Variants in CTNNA3 observed in about 807,000 individuals in gnomAD.
CTNNA3 encodes the protein catenin alpha 3.
Under a neutral mutation model 95.7 loss-of-function variants are expected in CTNNA3, and 76 were observed. The ratio of observed to expected loss-of-function variants is 0.79; its 90% confidence interval spans 0.66 to 0.96. CTNNA3 has a LOEUF of 0.96. Ranked by LOEUF, CTNNA3 falls within the 40% of genes least tolerant of loss-of-function variation. The probability of loss-of-function intolerance (pLI) is 0.00; values close to 1 mark genes in which losing one functional copy is unlikely to be tolerated. For missense variants in CTNNA3, 1,191 were observed against 1,089.8 expected (o/e 1.09, Z -1.31); for synonymous variants, 431 against 374.4 (o/e 1.15, Z -1.74).
intron 13 of CTNNA3, among the ~76,000 whole-genome samples, chr10:66,156,322 T>C (rs1482424824): frequency 6.6e-6 from 1 of 152,008 alleles, no homozygotes; most frequent in East Asian, 1.9e-4. Flanking sequence ...TCTATCAATG[T>C]AAATGTCCTG....
chr10:67,470,272 C>T (rs1472310458), intron 5 of CTNNA3, among the ~76,000 whole-genome samples: 3 of 152,172 alleles, frequency 2.0e-5, no homozygotes, highest in Non-Finnish European at 4.4e-5. Context: ...TTGCAAATGA[C>T]AGGATCTCAT....
chr10:65,932,732 T>A (rs2077273812), intron 17 of CTNNA3, among the ~76,000 whole-genome samples: 1 of 152,174 alleles, frequency 6.6e-6, no homozygotes, highest in Non-Finnish European at 1.5e-5. Flanking sequence ...CTTCTTATTC[T>A]ACCTCTGAAT....
chr10:67,279,551 G>C (rs12415619), intron 5 of CTNNA3, among the ~76,000 whole-genome samples: 5 of 138,712 alleles, frequency 3.6e-5, no homozygotes, highest in Admixed American at 7.1e-5. Context: ...TAGTCAATTA[G>C]GTATTTGTCT....
At chr10:66,363,770 G>A (rs1238554308) in intron 12 of CTNNA3, among the ~76,000 whole-genome samples, 2 of 152,050 alleles carry the variant, frequency 1.3e-5, no homozygotes, top group East Asian at 1.9e-4. Flanking sequence ...TCATTCAGAA[G>A]GTAAATCACA....
At chr10:66,404,712 G>T (rs112498981) in intron 11 of CTNNA3, among the ~76,000 whole-genome samples, 2,385 of 152,068 alleles carry the variant, frequency 0.016, 69 homozygotes, top group African/African-American at 0.054. Context: ...GCCCAGGACA[G>T]CTTTGAATGT....
chr10:66,135,060 C>A (rs2083285216), intron 13 of CTNNA3, among the ~76,000 whole-genome samples: 1 of 151,896 alleles, frequency 6.6e-6, no homozygotes, highest in South Asian at 2.1e-4. Flanking sequence ...AGAAGAGATA[C>A]TGAACTGGAA....
At chr10:66,361,860 G>C (rs1015236864) in intron 12 of CTNNA3, among the ~76,000 whole-genome samples, 5 of 151,526 alleles carry the variant, frequency 3.3e-5, no homozygotes, top group Admixed American at 3.3e-4. Context: ...TTGAGATTAG[G>C]GTAGTCGCTT....
At chr10:66,756,986 G>T (rs573807227) in intron 9 of CTNNA3, among the ~76,000 whole-genome samples, 4 of 152,220 alleles carry the variant, frequency 2.6e-5, no homozygotes, top group South Asian at 4.1e-4. Context: ...AATTGATTCA[G>T]CTCTCTACAT....
chr10:67,618,940 G>T (rs1843742801), intron 2 of CTNNA3, among the ~76,000 whole-genome samples: 1 of 152,050 alleles, frequency 6.6e-6, no homozygotes, highest in African/African-American at 2.4e-5. Context: ...TCCCTTCTTT[G>T]ATATTACCAT....
intron 7 of CTNNA3, among the ~76,000 whole-genome samples, chr10:66,873,430 C>A (rs1245748411): frequency 2.0e-5 from 3 of 151,330 alleles, no homozygotes; most frequent in African/African-American, 4.9e-5. Flanking sequence ...GAGATGGTGT[C>A]TCATTGTGGT....
chr10:66,343,286 G>T (rs1052063524), intron 12 of CTNNA3, among the ~76,000 whole-genome samples: 2 of 152,038 alleles, frequency 1.3e-5, no homozygotes, highest in African/African-American at 2.4e-5. Flanking sequence ...CATGTTTATT[G>T]TGTCATTAAT....
chr10:66,871,827 T>A (rs1197219938), intron 7 of CTNNA3, among the ~76,000 whole-genome samples: 1 of 152,180 alleles, frequency 6.6e-6, no homozygotes, highest in Non-Finnish European at 1.5e-5. Context: ...AAGGATAATT[T>A]TCTTTGACTA....
In CTNNA3 at chr10:67,520,047, T is replaced by A. The variant is rs147861981; in HGVS notation, c.579+1795A>T. On this transcript the variant is annotated intron_variant, in intron 5 of 17. Transcript: ENST00000433211. ...TTCACGCCTTATTAGCTCCATGACC[T>A]TAGGCATGTTACTTAACTTCCTTAA... Among the ~76,000 whole-genome samples, 4 of 152,304 alleles carry A rather than the reference T, an allele frequency of 2.6e-5. No homozygotes were observed. In the East Asian group the frequency reaches 7.7e-4, roughly 29 times the overall value.
At chr10:67,702,618 T>A (rs1243181170) in intron 1 of CTNNA3, among the ~76,000 whole-genome samples, 1 of 152,174 alleles carries the variant, frequency 6.6e-6, no homozygotes, top group Non-Finnish European at 1.5e-5. Flanking sequence ...CTGGGACACA[T>A]TCAAAGCAGT....
intron 9 of CTNNA3, among the ~76,000 whole-genome samples, chr10:66,697,698 AC>A (rs1313482263): frequency 1.3e-5 from 2 of 152,124 alleles, no homozygotes; most frequent in Non-Finnish European, 2.9e-5. Context: ...AACTTATTAC[AC>A]TTTTTTTAAG....
chr10:67,052,192 C>T (rs1403702580), intron 7 of CTNNA3, among the ~76,000 whole-genome samples: 1 of 152,112 alleles, frequency 6.6e-6, no homozygotes, highest in Non-Finnish European at 1.5e-5. Flanking sequence ...TCTGTGGTAC[C>T]AGCCAAAAAG....
At chr10:67,303,468 C>A (rs929740072) in intron 5 of CTNNA3, among the ~76,000 whole-genome samples, 1 of 152,168 alleles carries the variant, frequency 6.6e-6, no homozygotes, top group South Asian at 2.1e-4. Context: ...TCTGAAGGAA[C>A]AAATAGAGGA....
chr10:66,556,885 A>C (rs914135256), intron 10 of CTNNA3, among the ~76,000 whole-genome samples: 1 of 152,062 alleles, frequency 6.6e-6, no homozygotes, highest in Non-Finnish European at 1.5e-5. Context: ...CAGCAGGAAA[A>C]CCAATGGTAA....
Position 67,376,758 on chromosome 10 carries a change from G to A in CTNNA3, c.579+145084C>T, listed in dbSNP as rs1304254595. Among the ~76,000 whole-genome samples, 7 of 152,172 alleles carry A rather than the reference G, an allele frequency of 4.6e-5. No individual in the cohort carries two copies. In the East Asian group the frequency reaches 1.3e-3, roughly 29 times the overall value. ...AAGCTATCAACCAGAGACTAACATC[G>A]TGAAAAATCTTGGAAACCCTCTTAA... On this transcript the variant is annotated intron_variant, in intron 5 of 17. Coordinates refer to ENST00000433211, the MANE Select transcript of CTNNA3 (RefSeq NM_013266.4).
Sources: gnomAD v4.1 joint callset for allele counts (sites outside exome capture counted in the v4.1 genomes callset) on GRCh38, gnomAD v4.1.1 for gene constraint, MANE v1.5 for transcripts, NCBI Gene and HGNC (gene_info 2026-07-23, HGNC 2026-07-21) for gene names.